The following SKOR2 variants were observed in gnomAD, a reference collection of about 807,000 sequenced individuals.
SKOR2 encodes LBX1 corepressor 1-like protein.
A neutral mutation model predicts 69.1 loss-of-function variants in SKOR2; 47 were observed. The ratio of observed to expected loss-of-function variants is 0.68; its 90% CI spans 0.54 to 0.87. The LOEUF is 0.87. Among genes scored for constraint, SKOR2 ranks in the 40% least tolerant of loss-of-function variants. SKOR2 has a pLI of 0.00. For missense variants in SKOR2, 1,404 were observed against 1,472.2 expected, an observed-to-expected ratio of 0.95 and a Z score of 0.76; for synonymous variants, 717 against 672.6, an observed-to-expected ratio of 1.07 and a Z score of -1.02.
intron 7 of SKOR2, among the ~76,000 whole-genome samples, chr18:47,213,521 A>G (rs1166869713): frequency 5.9e-5 from 9 of 151,698 alleles, no homozygotes; most frequent in Admixed American, 5.3e-4. Flanking sequence ...TAAATCTACA[A>G]TGATGCTAGT....
chr18:47,211,876 G>A (rs1409482994), intron 8 of SKOR2, among the ~76,000 whole-genome samples: 22 of 152,144 alleles, frequency 1.4e-4, no homozygotes, highest in Admixed American at 1.4e-3. Context: ...TTAGTTATAG[G>A]AATTTTCCAT....
In SKOR2 at chr18:47,248,468, C is replaced by G. The variant is rs1349199766; in HGVS notation, c.716G>C (p.Ser239Thr). The G allele has an allele frequency of 6.5e-7, 1 of 1,530,038 alleles. No homozygotes were observed. Among genetic ancestry groups the G allele is most frequent in the Non-Finnish European group, 8.7e-7 (1 of 1,143,768 alleles). The allele number at this position is 1,530,038 out of a possible 1,614,324, so 94.8% of individuals were successfully genotyped here. ...EDVKAMFNGG[S>T]RKRALPQPGA... ...CGGCTGGGGCAGTGCGCGCTTGCGG[C>G]TGCCGCCGTTGAACATGGCCTTGAC... Residue 239 changes from serine (S) to threonine (T), a missense_variant, in exon 2 of 9, where the codon AGC becomes ACC. Around this residue, in one of 3 missense-constraint regions of SKOR2, gnomAD observed 1,266 missense variants for 1,309.9 expected, o/e 0.97. Coordinates refer to ENST00000425639, the MANE Select transcript of SKOR2 (RefSeq NM_001278063.4). The surrounding 1 kb of genome is among the most constrained non-coding windows in gnomAD (Gnocchi z 6.4).
intron 8 of SKOR2, among the ~76,000 whole-genome samples, chr18:47,209,564 T>C (rs1337456583): frequency 6.6e-6 from 1 of 152,162 alleles, no homozygotes; most frequent in Non-Finnish European, 1.5e-5. Context: ...GAAATCCCTG[T>C]TGTCTGCAAG....
intron 1 of SKOR2, among the ~76,000 whole-genome samples, chr18:47,249,554 T>C (rs576009305): frequency 4.6e-5 from 7 of 152,342 alleles, no homozygotes; most frequent in African/African-American, 1.7e-4. Flanking sequence ...GGCTTGCTTC[T>C]AGAAATTAAA....
intron 4 of SKOR2, among the ~76,000 whole-genome samples, chr18:47,236,778 A>T (rs1475019056): frequency 6.7e-6 from 1 of 149,470 alleles, no homozygotes; most frequent in Non-Finnish European, 1.5e-5. Flanking sequence ...CGATGGTATT[A>T]TTTTTTTTTT....
intron 4 of SKOR2, among the ~76,000 whole-genome samples, chr18:47,235,750 G>GAGAT (rs1444481829): frequency 1.5e-5 from 2 of 132,992 alleles, no homozygotes; most frequent in East Asian, 4.5e-4. Context: ...AAATGAGGAG[G>GAGAT]AGATGGACTA....
chr18:47,238,633 A>G (rs2064235964), intron 4 of SKOR2, among the ~76,000 whole-genome samples: 1 of 152,128 alleles, frequency 6.6e-6, no homozygotes, highest in African/African-American at 2.4e-5. Flanking sequence ...AATTTAGTAA[A>G]TAAAATTATT....
rs545499960 is a variant in SKOR2 at position 47,210,494 on chromosome 18, T to C, written c.*3+1592A>G. Among the ~76,000 whole-genome samples, 292 of 152,272 alleles carry C rather than the reference T, an allele frequency of 1.9e-3. 2 individuals are homozygous for C. Among genetic ancestry groups the C allele is most frequent in the African/African-American group, 6.9e-3 (286 of 41,552 alleles). On this transcript the variant is annotated intron_variant, in intron 8 of 8. Transcript: ENST00000425639. ...ATATTTTCTCTTGAAAGAAAATTAG[T>C]TTGACATTTTCAACCATTATACATA...
intron 4 of SKOR2, 74 bp from the exon 5 acceptor site, chr18:47,231,074 T>G: frequency 6.5e-7 from 1 of 1,535,184 alleles, no homozygotes; most frequent in Non-Finnish European, 8.7e-7. Context: ...ACATTTTCTT[T>G]TAATATCTGC....
At chr18:47,231,081 C>G (rs1230427110) in intron 4 of SKOR2, 81 bp from the exon 5 acceptor site, 1 of 1,535,158 alleles carries the variant, frequency 6.5e-7, no homozygotes, top group African/African-American at 1.4e-5. Context: ...CTTTTAATAT[C>G]TGCAAAACAG....
rs1215955319 is a variant in SKOR2 at position 47,206,223 on chromosome 18, A to T, written c.*673T>A. On this transcript the variant is annotated 3_prime_UTR_variant, in exon 9 of 9. Coordinates refer to ENST00000425639, the MANE Select transcript of SKOR2 (RefSeq NM_001278063.4). ...TTTTATCCACATGAATGTTAAAGAA[A>T]CTACAACAGAGTTAAATGCCATTTT... 6.6e-6 allele frequency: 1 copy of T among 152,168 alleles called. No individual in the cohort carries two copies. Among genetic ancestry groups the T allele is most frequent in the Admixed American group, 6.6e-5 (1 of 15,260 alleles). 9.4% of individuals were successfully genotyped at this position (152,168 alleles called of 1,614,324 possible). A position where few individuals can be genotyped will look rare whatever the true frequency, so the allele number is the denominator to read the frequency against.
At position 47,244,788 on chromosome 18, in the gene SKOR2, T is replaced by C. The variant is rs67918319; in HGVS notation, c.2752+120A>G. Reference sequence around the variant, plus strand: ...CCCATTTGTGTTTTTCTTAGTTATATCTACTAGGAATTGTTTTTTATTTTT... The same window carrying C: ...CCCATTTGTGTTTTTCTTAGTTATACCTACTAGGAATTGTTTTTTATTTTT... On this transcript the variant is annotated intron_variant, in intron 4 of 8. Coordinates refer to ENST00000425639, the MANE Select transcript of SKOR2 (RefSeq NM_001278063.4). 0.041 allele frequency: 34,429 copies of C among 836,520 alleles called. 849 individuals are homozygous for C. The highest frequency in any genetic ancestry group is 0.089 in the African/African-American group (5,083 of 57,428). 51.8% of individuals were successfully genotyped at this position (836,520 alleles called of 1,614,324 possible).
chr18:47,235,661 CAT>C (rs1254981778), intron 4 of SKOR2, among the ~76,000 whole-genome samples: 1 of 150,978 alleles, frequency 6.6e-6, no homozygotes, highest in East Asian at 2.0e-4. Flanking sequence ...TCTGCCCTCA[CAT>C]GTCATTAGAA....
In SKOR2 at chr18:47,246,792, T is replaced by G; in HGVS notation, c.2392A>C (p.Ser798Arg). 2 of 1,411,860 alleles carry G rather than the reference T, an allele frequency of 1.4e-6. No homozygotes were observed. The highest frequency in any genetic ancestry group is 9.2e-7 in the Non-Finnish European group (1 of 1,092,482). 87.5% of individuals were successfully genotyped at this position (1,411,860 alleles called of 1,614,324 possible). Reference protein sequence around the residue: ...LQGRGPSEKGSSRDRAPAVAG... With the variant: ...LQGRGPSEKGRSRDRAPAVAG... ...ACGGCCGGCGCGCGGTCCCGGCTGC[T>G]CCCCTTCTCCGACGGCCCTCGGCCC... The change falls in exon 2 of 9, where the codon AGC (serine) becomes CGC (arginine). Residue 798 changes from serine (S) to arginine (R), a missense_variant. By Grantham distance (110) the Ser-to-Arg change is moderately radical. Transcript: ENST00000425639.
chr18:47,249,230 A>C lies in SKOR2; in HGVS notation c.-47T>G, dbSNP rs1408417393. On this transcript the variant is annotated splice_region_variant and 5_prime_UTR_variant, in exon 2 of 9. Transcript: ENST00000425639. ...CGAGCCCTACAGGTCTGCCTTGGAC[A>C]CTGGAAGGGAAAGGAGAAAGCGTTG... 2 of 1,500,748 alleles carry C rather than the reference A, an allele frequency of 1.3e-6. No individual in the cohort carries two copies. Among genetic ancestry groups the C allele is most frequent in the Admixed American group, 4.3e-5 (2 of 46,900 alleles). 93.0% of individuals were successfully genotyped at this position (1,500,748 alleles called of 1,614,324 possible).
chr18:47,211,105 T>C (rs891084852), intron 8 of SKOR2, among the ~76,000 whole-genome samples: 8 of 152,062 alleles, frequency 5.3e-5, no homozygotes, highest in Non-Finnish European at 8.8e-5. Flanking sequence ...TAGAGGAAAT[T>C]TGTGATAGGC....
chr18:47,240,681 A>C (rs889963240), intron 4 of SKOR2, among the ~76,000 whole-genome samples: 5 of 152,208 alleles, frequency 3.3e-5, no homozygotes, highest in Admixed American at 6.5e-5. Flanking sequence ...AGATTAAAGA[A>C]AGGCTAAACT....
At chr18:47,241,445 T>A (rs1344914031) in intron 4 of SKOR2, among the ~76,000 whole-genome samples, 1 of 152,074 alleles carries the variant, frequency 6.6e-6, no homozygotes, top group Non-Finnish European at 1.5e-5. Context: ...AAAACATAGG[T>A]CACTTGGGCC....
Position 47,246,929 on chromosome 18 carries a change from G to T in SKOR2, c.2255C>A (p.Pro752His). 1 of 1,495,574 alleles carries T rather than the reference G, an allele frequency of 6.7e-7. No homozygotes were observed. The allele number at this position is 1,495,574 out of a possible 1,614,324, so 92.6% of individuals were successfully genotyped here. A position where few individuals can be genotyped will look rare whatever the true frequency, so the allele number is the denominator to read the frequency against. ...ACCTTCCTCCTCTTCCTCGCCCTCG[G>T]GGGGCTTGTGGCCCTCCACGTCCAC... Reference protein sequence around the residue: ...QEVDVEGHKPPEGEEEEEGRD... With the variant: ...QEVDVEGHKPHEGEEEEEGRD... Residue 752 changes from proline to histidine, a missense_variant, in exon 2 of 9, where the codon CCC (proline) becomes CAC (histidine). By Grantham distance (77) the Pro-to-His change is moderately conservative (BLOSUM62 -2). Around this residue, in one of 3 missense-constraint regions of SKOR2, gnomAD observed 1,266 missense variants for 1,309.9 expected, o/e 0.97. Coordinates refer to ENST00000425639, the MANE Select transcript of SKOR2 (RefSeq NM_001278063.4).
Sources: gnomAD v4.1 joint callset for allele counts (sites outside exome capture counted in the v4.1 genomes callset) on GRCh38, gnomAD v4.1.1 for gene constraint, gnomAD v4.1.1 regional missense constraint, Gnocchi (gnomAD v3.1) non-coding constraint, MANE v1.5 for transcripts, NCBI Gene and HGNC (gene_info 2026-07-23, HGNC 2026-07-21) for gene names.